Variants in GPATCH8 observed in about 807,000 individuals in gnomAD.
GPATCH8 encodes G-patch domain containing 8, also known as G patch domain-containing protein 8.
A neutral mutation model predicts 118.3 loss-of-function variants in GPATCH8; 18 were observed. The observed-to-expected ratio is 0.15, with a 90% CI of 0.11 to 0.23. The LOEUF (loss-of-function observed/expected upper bound fraction) is 0.23, where lower values mean the gene tolerates loss of function less well. Ranked by LOEUF, GPATCH8 falls within the 10% of genes least tolerant of loss-of-function variation. The probability of loss-of-function intolerance (pLI) is 1.00; values close to 1 mark genes in which losing one functional copy is unlikely to be tolerated. For missense variants in GPATCH8, 1,631 were observed against 1,873.8 expected, an observed-to-expected ratio of 0.87 and a Z score of 2.39; for synonymous variants, 659 against 684.7, an observed-to-expected ratio of 0.96 and a Z score of 0.59.
At chr17:44,502,322 A>G (rs930906432) in intron 1 of GPATCH8, among the ~76,000 whole-genome samples, 6 of 151,308 alleles carry the variant, frequency 4.0e-5, no homozygotes, top group African/African-American at 1.5e-4. Context: ...ATCCCGACCC[A>G]AATTGCAGTT....
rs112711234 is a variant in GPATCH8 at position 44,463,351 on chromosome 17, C to T, written c.193+1121G>A. On this transcript the variant is annotated intron_variant, in intron 3 of 7. Coordinates refer to ENST00000591680, the MANE Select transcript of GPATCH8 (RefSeq NM_001002909.4). ...AGATGCCTATTATACAATAAGCTCC[C>T]GCATGACCAGATGTAGAGGCACAAC... is the stretch of plus-strand genomic sequence containing the variant. Among the ~76,000 whole-genome samples the T allele has an allele frequency of 4.1e-3, 631 of 152,242 alleles. 9 individuals carry two copies. The highest frequency in any genetic ancestry group is 0.014 in the African/African-American group (579 of 41,544).
intron 3 of GPATCH8, among the ~76,000 whole-genome samples, chr17:44,440,415 T>C (rs2050649610): frequency 1.3e-5 from 2 of 152,212 alleles, no homozygotes; most frequent in African/African-American, 2.4e-5. Flanking sequence ...TTTCACTAAC[T>C]GGAATTACAC....
At chr17:44,418,685 T>C (rs1261586285) in intron 6 of GPATCH8, among the ~76,000 whole-genome samples, 3 of 152,098 alleles carry the variant, frequency 2.0e-5, no homozygotes, top group Non-Finnish European at 4.4e-5. Flanking sequence ...TCTCCTGACC[T>C]TGTGATCCGC....
intron 5 of GPATCH8, among the ~76,000 whole-genome samples, chr17:44,429,853 G>A (rs1159483268): frequency 6.8e-6 from 1 of 146,294 alleles, no homozygotes; most frequent in Non-Finnish European, 1.5e-5. Context: ...GACAGAGTAA[G>A]ACTCCGTCTA....
intron 3 of GPATCH8, among the ~76,000 whole-genome samples, chr17:44,437,851 T>C (rs1369763197): frequency 6.6e-6 from 1 of 151,480 alleles, no homozygotes; most frequent in Non-Finnish European, 1.5e-5. Context: ...CCTATTATTG[T>C]TTTTAAACAA....
At chr17:44,409,234 C>T (rs528172044) in intron 6 of GPATCH8, 1 of 152,272 alleles carries the variant, frequency 6.6e-6, no homozygotes, top group Non-Finnish European at 1.5e-5. Flanking sequence ...CACATGATGC[C>T]TAACTTAGTG....
intron 6 of GPATCH8, among the ~76,000 whole-genome samples, chr17:44,418,748 G>A (rs966930184): frequency 6.6e-6 from 1 of 152,208 alleles, no homozygotes; most frequent in South Asian, 2.1e-4. Context: ...ACCGCGCCCG[G>A]CTAGTCAGTG....
At chr17:44,476,299 G>A (rs9901031) in intron 1 of GPATCH8, among the ~76,000 whole-genome samples, 75,473 of 151,716 alleles carry the variant, frequency 0.5, 20,455 homozygotes, top group Middle Eastern at 0.62. Context: ...CTGCCTCCCA[G>A]GCTCAAGTGG....
chr17:44,397,987 G>A lies in GPATCH8; in HGVS notation c.4090C>T (p.Pro1364Ser). Reference protein sequence around the residue: ...PALQPIHIQQPATASATSITT... With the variant: ...PALQPIHIQQSATASATSITT... Reference sequence around the variant, plus strand: ...ATGGAGGTGGCAGAGGCTGTAGCTGGCTGCTGAATGTGGATGGGTTGCAGG... The same window carrying A: ...ATGGAGGTGGCAGAGGCTGTAGCTGACTGCTGAATGTGGATGGGTTGCAGG... Residue 1364 changes from proline (P) to serine (S), a missense_variant, in exon 8 of 8, where the codon CCA becomes TCA. Transcript: ENST00000591680. The A allele has an allele frequency of 6.2e-7, 1 of 1,614,086 alleles. No homozygotes were observed. The highest frequency in any genetic ancestry group is 8.5e-7 in the Non-Finnish European group (1 of 1,179,942).
At chr17:44,453,500 G>GTGTGTGTGTGT (rs1568011427) in intron 3 of GPATCH8, among the ~76,000 whole-genome samples, 39 of 142,772 alleles carry the variant, frequency 2.7e-4, no homozygotes, top group South Asian at 8.9e-4. Context: ...GGTAGGTAGG[G>GTGTGTGTGTGT]GTGTGTGTGT....
chr17:44,464,388 A>T, intron 3 of GPATCH8, 84 bp downstream of exon 3: 1 of 893,018 alleles, frequency 1.1e-6, no homozygotes, highest in Non-Finnish European at 1.9e-6. Flanking sequence ...GTACTTTTTT[A>T]AAAACACAAC....
At chr17:44,440,389 A>C (rs1598493842) in intron 3 of GPATCH8, among the ~76,000 whole-genome samples, 1 of 152,354 alleles carries the variant, frequency 6.6e-6, no homozygotes, top group East Asian at 1.9e-4. Flanking sequence ...TTTCTAAATC[A>C]AAACCTTAAA....
rs1401598603 is a variant in GPATCH8 at position 44,417,201 on chromosome 17, G to A, written c.492+7148C>T. On this transcript the variant is annotated intron_variant, in intron 6 of 7. Transcript: ENST00000591680. ...TGTTATGTTACTGCGTAATGAAACC[G>A]TCAAGTGTCAAGTAAGAGTAAGTAA... is the stretch of plus-strand genomic sequence containing the variant. 3.3e-5 allele frequency among the ~76,000 whole-genome samples: 5 copies of A among 152,230 alleles called. 1 individual carries two copies. The highest frequency in any genetic ancestry group is 6.8e-3 in the Middle Eastern group (2 of 294).
At chr17:44,452,277 AAAAAAAAAAAAAG>A (rs1394893011) in intron 3 of GPATCH8, among the ~76,000 whole-genome samples, 1 of 150,216 alleles carries the variant, frequency 6.7e-6, no homozygotes, top group Non-Finnish European at 1.5e-5. Context: ...CGTCTCAAAA[AAAAAAAAAAAAAG>A]AAAAAAAAAA....
At position 44,401,162 on chromosome 17, in the gene GPATCH8, G is replaced by A; in HGVS notation, c.915C>T (p.Ala305=). ...LQKLGVSFSF[A]KKAPVKLESI... The stretch of plus-strand genomic sequence containing the variant: ...ATTCGAGTTTGACAGGAGCCTTTTT[G>A]GCAAAAGAAAATGACACTCCCAATT... Residue 305 remains alanine, a synonymous_variant, in exon 8 of 8, where the codon GCC becomes GCT. Transcript: ENST00000591680. 1 of 1,614,034 alleles carries A rather than the reference G, an allele frequency of 6.2e-7. No homozygotes were observed. Among genetic ancestry groups the A allele is most frequent in the African/African-American group, 1.3e-5 (1 of 75,002 alleles).
At chr17:44,464,315 A>T (rs2051675770) in intron 3 of GPATCH8, among the ~76,000 whole-genome samples, 157 bp downstream of exon 3, 1 of 152,238 alleles carries the variant, frequency 6.6e-6, no homozygotes, top group Non-Finnish European at 1.5e-5. Flanking sequence ...ACAGTGACTT[A>T]AAATACAGTT....
chr17:44,501,731 A>T (rs1970084890), intron 1 of GPATCH8, among the ~76,000 whole-genome samples: 1 of 152,186 alleles, frequency 6.6e-6, no homozygotes, highest in South Asian at 2.1e-4. Context: ...TCTGTGGTTG[A>T]CAGTCATCTT....
intron 5 of GPATCH8, among the ~76,000 whole-genome samples, chr17:44,430,764 T>C (rs2143980378): frequency 6.6e-6 from 1 of 150,538 alleles, no homozygotes; most frequent in East Asian, 2.0e-4. Flanking sequence ...TGCCTCAGCC[T>C]CCTGAGTAGC....
chr17:44,435,176 A>T (rs760328086), intron 4 of GPATCH8, 25 bp from the exon 5 acceptor site: 13 of 1,046,842 alleles, frequency 1.2e-5, no homozygotes, highest in Non-Finnish European at 2.0e-5. Context: ...ATATGATTAG[A>T]TTTAATTCCT....
Sources: allele counts gnomAD v4.1 joint callset (sites outside exome capture counted in the v4.1 genomes callset), GRCh38; gene constraint gnomAD v4.1.1; transcripts MANE v1.5; gene names NCBI Gene and HGNC (gene_info 2026-07-23, HGNC 2026-07-21).